The following IPO8 variants were observed in gnomAD, a reference collection of about 807,000 sequenced individuals.
IPO8 encodes importin-8.
Under a neutral mutation model 141.2 loss-of-function variants are expected in IPO8, and 65 were observed. The observed-to-expected ratio is 0.46, with a 90% CI of 0.38 to 0.57. IPO8 has a LOEUF of 0.57. Among genes scored for constraint, IPO8 ranks in the 20% least tolerant of loss-of-function variants. The pLI is 0.00. For synonymous variants in IPO8, 411 were observed against 420.3 expected (o/e 0.98, Z 0.27); for missense variants, 980 against 1,246.8 (o/e 0.79, Z 3.22).
intron 10 of IPO8, among the ~76,000 whole-genome samples, chr12:30,667,607 T>G (rs59551332): frequency 0.039 from 5,922 of 152,204 alleles, 363 homozygotes; most frequent in African/African-American, 0.13. Flanking sequence ...AATACACATA[T>G]CAAATAAAAG....
chr12:30,652,695 T>C (rs1002801236), intron 18 of IPO8, among the ~76,000 whole-genome samples: 4 of 152,068 alleles, frequency 2.6e-5, no homozygotes, highest in Non-Finnish European at 4.4e-5. Flanking sequence ...TGGAATATAG[T>C]TGGTGTCCAT....
intron 2 of IPO8, chr12:30,686,793 G>T (rs1054015742): frequency 1.3e-5 from 2 of 152,038 alleles, no homozygotes; most frequent in African/African-American, 4.8e-5. Context: ...ACTTATTTAT[G>T]ATTTAGTCAT....
At chr12:30,682,089 T>A (rs994230031) in intron 3 of IPO8, among the ~76,000 whole-genome samples, 3 of 152,158 alleles carry the variant, frequency 2.0e-5, no homozygotes, top group African/African-American at 7.2e-5. Context: ...TTAAATAGTT[T>A]AAAATTTTCA....
At chr12:30,647,002 G>C (rs2052656065) in intron 20 of IPO8, among the ~76,000 whole-genome samples, 1 of 152,100 alleles carries the variant, frequency 6.6e-6, no homozygotes, top group African/African-American at 2.4e-5. Context: ...ACCCTGTCTA[G>C]CCAAAACAAT....
intron 22 of IPO8, among the ~76,000 whole-genome samples, chr12:30,636,413 A>G (rs980248231): frequency 4.6e-5 from 7 of 151,990 alleles, no homozygotes; most frequent in Non-Finnish European, 1.0e-4. Context: ...CTAATATTCA[A>G]CTCTAACAAT....
At chr12:30,631,586 T>C (rs2052433121) in intron 24 of IPO8, 1 of 209,852 alleles carries the variant, frequency 4.8e-6, no homozygotes, top group South Asian at 1.1e-4. Context: ...AGGGGAGTGA[T>C]CCAACTGATT....
intron 2 of IPO8, 89 bp from the exon 3 acceptor site, chr12:30,684,546 A>G (rs924734014): frequency 7.2e-5 from 92 of 1,285,168 alleles, no homozygotes; most frequent in Non-Finnish European, 9.5e-5. Context: ...AAACCCTTCA[A>G]TGTTAAACAT....
At position 30,695,544 on chromosome 12, in the gene IPO8, GCCGAAGA is replaced by G. The variant is rs770426649; in HGVS notation, c.84+13_84+19del. 5.8e-5 allele frequency: 93 copies of G among 1,606,560 alleles called. 1 individual carries two copies. The South Asian group carries it at 9.4e-4, about 16-fold the overall frequency. ...GGCGCCCCTTCGGCGGAAGAGGGTC[GCCGAAGA>G]CCCTCTCCTCACCTGGTTGAGCTCG... is the stretch of plus-strand genomic sequence containing the variant. On this transcript the variant is annotated intron_variant, in intron 1 of 24. Coordinates refer to ENST00000256079, the MANE Select transcript of IPO8 (RefSeq NM_006390.4). This position sits in a 1 kb window ranked among gnomAD's most constrained non-coding sequence, Gnocchi z 4.2.
intron 2 of IPO8, among the ~76,000 whole-genome samples, chr12:30,689,085 T>A (rs535074504): frequency 1.3e-5 from 2 of 151,980 alleles, no homozygotes; most frequent in African/African-American, 4.8e-5. Context: ...CAAGGGTACA[T>A]GGTTAAATGA....
Position 30,652,725 on chromosome 12 carries a change from T to C in IPO8, c.2074+242A>G, listed in dbSNP as rs375416483. Among the ~76,000 whole-genome samples, 18 of 152,232 alleles carry C rather than the reference T, an allele frequency of 1.2e-4. No homozygotes were observed. In the South Asian group the frequency reaches 1.7e-3, roughly 14 times the overall value. On this transcript the variant is annotated intron_variant, in intron 18 of 24. Transcript: ENST00000256079. ...GTCCATAAAATACTTATTAAATTAA[T>C]ATATGGATATATGCTCTGGTCATAA...
chr12:30,693,118 G>A (rs578050410), intron 1 of IPO8, among the ~76,000 whole-genome samples: 4 of 152,188 alleles, frequency 2.6e-5, no homozygotes, highest in Admixed American at 6.5e-5. Flanking sequence ...TTTCCCTACC[G>A]AGGCCATGTG....
chr12:30,658,188 T>G (rs2052828286), intron 16 of IPO8, among the ~76,000 whole-genome samples: 1 of 152,222 alleles, frequency 6.6e-6, no homozygotes, highest in African/African-American at 2.4e-5. Flanking sequence ...TCAATATGCT[T>G]AAAACCATTA....
At chr12:30,660,734 T>G (rs1432825003) in intron 16 of IPO8, among the ~76,000 whole-genome samples, 1 of 152,118 alleles carries the variant, frequency 6.6e-6, no homozygotes, top group Non-Finnish European at 1.5e-5. Flanking sequence ...TCTGTTCCAT[T>G]ACCTAACACT....
At chr12:30,680,120 TC>T in intron 5 of IPO8, among the ~76,000 whole-genome samples, 1 of 151,986 alleles carries the variant, frequency 6.6e-6, no homozygotes, top group African/African-American at 2.4e-5. Flanking sequence ...TTCTTTTCCT[TC>T]TTCTTTTCCT....
rs908924317 is a variant in IPO8 at position 30,661,577 on chromosome 12, T to C, written c.1756-311A>G. Among the ~76,000 whole-genome samples the C allele has an allele frequency of 4.0e-5, 6 of 150,264 alleles. No homozygotes were observed. In the East Asian group the frequency reaches 7.8e-4, roughly 20 times the overall value. ...GTAAAAAGAAAAATGCAATAGAAGA[T>C]TGAGAAGTCGAGGAATCACTTAGAA... On this transcript the variant is annotated intron_variant, in intron 15 of 24. Transcript: ENST00000256079.
chr12:30,666,898 T>C (rs1323202840), intron 10 of IPO8, among the ~76,000 whole-genome samples: 2 of 152,216 alleles, frequency 1.3e-5, no homozygotes, highest in African/African-American at 4.8e-5. Flanking sequence ...GAAGGACTGC[T>C]AGGACCATGC....
chr12:30,685,500 T>TTGTGTG lies in IPO8; in HGVS notation c.167-1049_167-1044dup, dbSNP rs112645384. Among the ~76,000 whole-genome samples the TTGTGTG allele has an allele frequency of 5.8e-3, 859 of 148,656 alleles. 2 individuals are homozygous for TTGTGTG. The highest frequency in any genetic ancestry group is 0.012 in the African/African-American group (473 of 40,660). On this transcript the variant is annotated intron_variant, in intron 2 of 24. Coordinates refer to ENST00000256079, the MANE Select transcript of IPO8 (RefSeq NM_006390.4). ...TGAATGTAAGTAAATACTTATAATG[T>TTGTGTG]TGTGTGTGTGTGTGTGTGTGTGTGT...
intron 7 of IPO8, 78 bp downstream of exon 7, chr12:30,674,581 T>G: frequency 9.5e-7 from 1 of 1,054,250 alleles, no homozygotes; most frequent in Non-Finnish European, 1.5e-6. Flanking sequence ...TGGCTCTCGG[T>G]GGCTCTAAAG....
intron 5 of IPO8, among the ~76,000 whole-genome samples, chr12:30,678,350 C>T (rs1292639322): frequency 1.3e-4 from 20 of 152,092 alleles, no homozygotes; most frequent in Admixed American, 1.3e-3. Flanking sequence ...GTACCCTATA[C>T]AGGAGTGCTT....
Sources: allele counts gnomAD v4.1 joint callset (sites outside exome capture counted in the v4.1 genomes callset), GRCh38; gene constraint gnomAD v4.1.1; non-coding constraint Gnocchi (gnomAD v3.1); transcripts MANE v1.5; gene names NCBI Gene and HGNC (gene_info 2026-07-23, HGNC 2026-07-21).